Variants in TVP23C observed in about 807,000 individuals in gnomAD.
TVP23C encodes the protein Golgi apparatus membrane protein TVP23 homolog C.
In TVP23C, 19 loss-of-function variants were observed where a neutral mutation model predicts 28.7. That is an observed-to-expected ratio of 0.66 (90% confidence interval 0.46 to 0.97). The LOEUF is 0.97. TVP23C is among the 50% of genes least tolerant of loss of function. The pLI is 0.00. For missense variants in TVP23C, 186 were observed against 241.3 expected (o/e 0.77, Z 1.52); for synonymous variants, 68 against 81.7 (o/e 0.83, Z 0.90).
intron 3 of TVP23C, among the ~76,000 whole-genome samples, chr17:15,547,701 T>G (rs1315675920): frequency 6.6e-6 from 1 of 152,090 alleles, no homozygotes; most frequent in African/African-American, 2.4e-5. Context: ...TACCAACTCC[T>G]TCCTCAGGGA....
chr17:15,538,648 C>A lies in TVP23C; in HGVS notation c.*1764G>T. 1.0e-6 allele frequency: 1 copy of A among 985,326 alleles called. No homozygotes were observed. Among genetic ancestry groups the A allele is most frequent in the South Asian group, 4.7e-5 (1 of 21,280 alleles). The allele number at this position is 985,326 out of a possible 1,614,324, so 61.0% of individuals were successfully genotyped here. On this transcript the variant is annotated 3_prime_UTR_variant, in exon 6 of 6. Transcript: ENST00000518321. ...CGCTAATGAAGTAAATCCATGGATA[C>A]CATCATCCACCCAGCTGTCCAGTTT...
intron 5 of TVP23C, among the ~76,000 whole-genome samples, chr17:15,511,459 C>A (rs893540323): frequency 6.6e-6 from 1 of 152,132 alleles, no homozygotes; most frequent in African/African-American, 2.4e-5. Flanking sequence ...AAGTTACTGC[C>A]GTTTCTAGGA....
intron 5 of TVP23C, among the ~76,000 whole-genome samples, chr17:15,524,406 G>T (rs1448451924): frequency 6.6e-6 from 1 of 152,214 alleles, no homozygotes; most frequent in Admixed American, 6.5e-5. Context: ...TGAATGCTTG[G>T]TTGTTTCCAG....
intron 5 of TVP23C, among the ~76,000 whole-genome samples, chr17:15,528,237 T>C (rs1386022511): frequency 1.3e-5 from 2 of 152,270 alleles, no homozygotes; most frequent in African/African-American, 4.8e-5. Context: ...GTGTTTACTG[T>C]TACGGATTTC....
intron 5 of TVP23C, among the ~76,000 whole-genome samples, chr17:15,542,981 A>G (rs1389491835): frequency 6.6e-6 from 1 of 152,162 alleles, no homozygotes; most frequent in Admixed American, 6.5e-5. Flanking sequence ...AAGGAAGTAG[A>G]AACACTGCTA....
chr17:15,553,901 T>C (rs1255107228), intron 2 of TVP23C, 72 bp from the exon 3 acceptor site: 4 of 1,601,514 alleles, frequency 2.5e-6, no homozygotes, highest in African/African-American at 1.3e-5. Flanking sequence ...TAGAGAAAAA[T>C]GTTTTAGCCA....
downstream of TVP23C, among the ~76,000 whole-genome samples, chr17:15,535,840 G>C (rs951724591): frequency 6.6e-6 from 1 of 152,186 alleles, no homozygotes; most frequent in African/African-American, 2.4e-5. Flanking sequence ...ATGAGCAACA[G>C]AGAAGCCAGA....
chr17:15,513,328 G>C (rs1490705593), intron 5 of TVP23C, among the ~76,000 whole-genome samples: 2 of 152,198 alleles, frequency 1.3e-5, no homozygotes, highest in African/African-American at 2.4e-5. Context: ...AAAATATCCT[G>C]AAAGTGGACT....
At chr17:15,509,398 A>G (rs886971516) in intron 5 of TVP23C, among the ~76,000 whole-genome samples, 1 of 152,246 alleles carries the variant, frequency 6.6e-6, no homozygotes, top group Non-Finnish European at 1.5e-5. Context: ...ACAACTAGTC[A>G]GGAAATACTT....
At chr17:15,528,288 ATGTTG>A (rs1244943678) in intron 5 of TVP23C, among the ~76,000 whole-genome samples, 2 of 152,144 alleles carry the variant, frequency 1.3e-5, no homozygotes, top group African/African-American at 4.8e-5. Context: ...AAGTGTTGGT[ATGTTG>A]TGTTTTCATT....
At chr17:15,546,911 A>T in intron 4 of TVP23C, 148 bp downstream of exon 4, 1 of 1,033,932 alleles carries the variant, frequency 9.7e-7, no homozygotes. Context: ...AATGCATTAA[A>T]TTCTAGAAGG....
At chr17:15,519,734 C>G (rs1484202851) in intron 5 of TVP23C, among the ~76,000 whole-genome samples, 1 of 151,984 alleles carries the variant, frequency 6.6e-6, no homozygotes, top group Non-Finnish European at 1.5e-5. Flanking sequence ...TATGGTGAAG[C>G]CCTGTATCTA....
At chr17:15,530,970 T>C (rs1490309009) in intron 5 of TVP23C, 1 of 152,306 alleles carries the variant, frequency 6.6e-6, no homozygotes, top group African/African-American at 2.4e-5. Flanking sequence ...CTCAAATTCC[T>C]GGGCTCAGGC....
At chr17:15,553,603 A>C in intron 3 of TVP23C, 82 bp downstream of exon 3, 10 of 1,516,088 alleles carry the variant, frequency 6.6e-6, no homozygotes, top group Non-Finnish European at 8.8e-6. Context: ...CAAAAGATTA[A>C]CAATAATGCA....
rs192433415 is a variant in TVP23C, at chr17:15,551,714, G to C, written c.240+1971C>G. The stretch of plus-strand genomic sequence containing the variant: ...TTTTTAAGCTCATCAGCTAATGTTA[G>C]TGTATTTTATGTGTGGCCCAAGATA... On this transcript the variant is annotated intron_variant, in intron 3 of 5. Transcript: ENST00000518321. Among the ~76,000 whole-genome samples the C allele has an allele frequency of 3.6e-3, 551 of 151,908 alleles. 4 individuals carry two copies. The highest frequency in any genetic ancestry group is 0.024 in the Middle Eastern group (7 of 294).
At chr17:15,506,610 A>G (rs1981757825) in intron 5 of TVP23C, among the ~76,000 whole-genome samples, 1 of 152,174 alleles carries the variant, frequency 6.6e-6, no homozygotes, top group Admixed American at 6.5e-5. Context: ...TTTGCAGTAA[A>G]TCTTGCTACT....
intron 5 of TVP23C, among the ~76,000 whole-genome samples, chr17:15,525,054 C>G (rs1417264007): frequency 6.6e-6 from 1 of 152,238 alleles, no homozygotes; most frequent in African/African-American, 2.4e-5. Flanking sequence ...GAGATCAGTC[C>G]TTCCACTGCT....
chr17:15,550,133 CCT>C (rs557629259), intron 3 of TVP23C, among the ~76,000 whole-genome samples: 12 of 151,796 alleles, frequency 7.9e-5, no homozygotes, highest in African/African-American at 2.9e-4. Context: ...CATTATTTTC[CCT>C]CTTTCTTGTC....
intron 5 of TVP23C, chr17:15,503,374 C>T (rs991432645): frequency 9.5e-7 from 1 of 1,054,374 alleles, no homozygotes; most frequent in African/African-American, 1.6e-5. Flanking sequence ...CACTGCACTC[C>T]AGCCTGGGCG....
Sources: allele counts gnomAD v4.1 joint callset (sites outside exome capture counted in the v4.1 genomes callset), GRCh38; gene constraint gnomAD v4.1.1; transcripts MANE v1.5; gene names NCBI Gene and HGNC (gene_info 2026-07-23, HGNC 2026-07-21).